Variants in CDH12 observed in about 807,000 individuals in gnomAD.
CDH12 encodes the protein cadherin 12.
In CDH12, 41 loss-of-function variants were observed where a neutral mutation model predicts 74.1. That is an observed-to-expected ratio of 0.55 (90% CI 0.43 to 0.72). The LOEUF (loss-of-function observed/expected upper bound fraction) is 0.72. Ranked by LOEUF, CDH12 falls within the 30% of genes least tolerant of loss-of-function variation. CDH12 has a pLI of 0.00. For missense variants in CDH12, 945 were observed against 977.2 expected (o/e 0.97, Z 0.44); for synonymous variants, 399 against 355.0 (o/e 1.12, Z -1.39).
chr5:22,756,932 C>T (rs1470817690), intron 1 of CDH12, among the ~76,000 whole-genome samples: 2 of 149,934 alleles, frequency 1.3e-5, no homozygotes, highest in Non-Finnish European at 3.0e-5. Flanking sequence ...GCACTCCAGT[C>T]TAGGCAACAG....
intron 5 of CDH12, among the ~76,000 whole-genome samples, chr5:22,055,879 C>A (rs1369821894): frequency 6.6e-6 from 1 of 152,008 alleles, no homozygotes; most frequent in Non-Finnish European, 1.5e-5. Context: ...GGAGGCAAAA[C>A]TAAAAAGTCC....
intron 3 of CDH12, among the ~76,000 whole-genome samples, chr5:22,386,848 G>A (rs1248299844): frequency 6.6e-6 from 1 of 151,678 alleles, no homozygotes; most frequent in East Asian, 1.9e-4. Context: ...TAATTTAAAA[G>A]TTTAATAAAT....
At chr5:22,330,534 C>T (rs924636356) in intron 3 of CDH12, among the ~76,000 whole-genome samples, 1 of 151,872 alleles carries the variant, frequency 6.6e-6, no homozygotes, top group Non-Finnish European at 1.5e-5. Flanking sequence ...GAGTGGATCA[C>T]GAGGTCAAGA....
At chr5:22,346,426 G>A (rs1291152348) in intron 3 of CDH12, among the ~76,000 whole-genome samples, 2 of 151,916 alleles carry the variant, frequency 1.3e-5, no homozygotes, top group Non-Finnish European at 2.9e-5. Context: ...GGTTCATTGT[G>A]GCCCAAATTG....
At chr5:22,399,273 A>T (rs1742607327) in intron 3 of CDH12, among the ~76,000 whole-genome samples, 1 of 152,056 alleles carries the variant, frequency 6.6e-6, no homozygotes, top group Non-Finnish European at 1.5e-5. Context: ...AACTCTTCAC[A>T]GTTTTACACC....
At chr5:21,763,191 T>C (rs544818087) in intron 12 of CDH12, among the ~76,000 whole-genome samples, 1 of 152,282 alleles carries the variant, frequency 6.6e-6, no homozygotes, top group South Asian at 2.1e-4. Flanking sequence ...AGTCCCCACA[T>C]TATCAAATGG....
chr5:22,323,574 C>T lies in CDH12; in HGVS notation c.-333+81683G>A, dbSNP rs1408618510. ...TAATATCACACATGGAAAATAATGACGTAAAGGCTCAAATTTGAAATGGGC... is the reference window on the plus strand; with the variant it reads ...TAATATCACACATGGAAAATAATGATGTAAAGGCTCAAATTTGAAATGGGC... On this transcript the variant is annotated intron_variant, in intron 3 of 14. Coordinates refer to ENST00000382254, the MANE Select transcript of CDH12 (RefSeq NM_004061.5). 2.6e-5 allele frequency among the ~76,000 whole-genome samples: 4 copies of T among 151,970 alleles called. No individual in the cohort carries two copies. In the East Asian group the frequency reaches 5.8e-4, roughly 22 times the overall value.
chr5:22,620,050 T>C (rs925080669), intron 1 of CDH12, among the ~76,000 whole-genome samples: 2 of 152,144 alleles, frequency 1.3e-5, no homozygotes, highest in African/African-American at 4.8e-5. Flanking sequence ...TAAAACTTTG[T>C]CAATATCTTG....
In CDH12 at chr5:22,349,548, A is replaced by G. The variant is rs111612143; in HGVS notation, c.-333+55709T>C. On this transcript the variant is annotated intron_variant, in intron 3 of 14. Coordinates refer to ENST00000382254, the MANE Select transcript of CDH12 (RefSeq NM_004061.5). ...CCCCTCTTTCCCAATTCGGAATAAC[A>G]TCAATATAATTTCTTAACCTGGCAT... 3.6e-3 allele frequency among the ~76,000 whole-genome samples: 541 copies of G among 152,300 alleles called. 1 individual carries two copies. The highest frequency in any genetic ancestry group is 0.01 in the Middle Eastern group (3 of 294).
intron 5 of CDH12, among the ~76,000 whole-genome samples, chr5:22,004,149 T>C (rs905685749): frequency 5.9e-5 from 9 of 152,294 alleles, no homozygotes; most frequent in Middle Eastern, 6.8e-3. Flanking sequence ...TTCTCTTCCG[T>C]TCTTCTAAAA....
chr5:21,753,237 G>C (rs1197463553), intron 14 of CDH12, among the ~76,000 whole-genome samples: 1 of 152,172 alleles, frequency 6.6e-6, no homozygotes. Context: ...AAGAATGCAT[G>C]ATGATAAAAT....
chr5:22,105,027 T>G (rs533187393), intron 4 of CDH12, among the ~76,000 whole-genome samples: 1 of 152,242 alleles, frequency 6.6e-6, no homozygotes, highest in Non-Finnish European at 1.5e-5. Context: ...ATACACGATA[T>G]GCTCCCTGTG....
chr5:22,774,051 C>T (rs2126320697), intron 1 of CDH12, among the ~76,000 whole-genome samples: 1 of 152,034 alleles, frequency 6.6e-6, no homozygotes, highest in South Asian at 2.1e-4. Context: ...TAGTTCAGCC[C>T]CTGTGAAAAG....
intron 4 of CDH12, among the ~76,000 whole-genome samples, chr5:22,112,142 C>A (rs992502445): frequency 7.2e-5 from 11 of 151,782 alleles, no homozygotes; most frequent in African/African-American, 2.4e-4. Context: ...TATAGCAAAT[C>A]AAAATATTTT....
intron 3 of CDH12, among the ~76,000 whole-genome samples, chr5:22,323,438 CAG>C (rs1253899358): frequency 6.6e-6 from 1 of 152,050 alleles, no homozygotes; most frequent in Non-Finnish European, 1.5e-5. Context: ...TTTTTATTAA[CAG>C]AAAAATGCAG....
chr5:22,414,831 GA>G lies in CDH12; in HGVS notation c.-427-9481del, dbSNP rs529233212. ...AAAATTTTAATAGAAACAAAAAAGT[GA>G]AAAAAAGCTTTAGAAGACTATTTTA... is the stretch of plus-strand genomic sequence containing the variant. On this transcript the variant is annotated intron_variant, in intron 2 of 14. Coordinates refer to ENST00000382254, the MANE Select transcript of CDH12 (RefSeq NM_004061.5). Among the ~76,000 whole-genome samples, 169 of 151,644 alleles carry G rather than the reference GA, an allele frequency of 1.1e-3. 2 individuals carry two copies. The highest frequency in any genetic ancestry group is 1.7e-3 in the Admixed American group (26 of 15,228).
intron 3 of CDH12, among the ~76,000 whole-genome samples, chr5:22,340,679 G>C (rs1580540480): frequency 6.6e-6 from 1 of 151,918 alleles, no homozygotes. Context: ...AAGCTGTTTT[G>C]AGAAGCTGTT....
chr5:21,960,235 C>T (rs1485372686), intron 6 of CDH12, among the ~76,000 whole-genome samples: 1 of 152,176 alleles, frequency 6.6e-6, no homozygotes, highest in Non-Finnish European at 1.5e-5. Flanking sequence ...ACAGAATATA[C>T]ATTCTTCTCA....
chr5:22,208,732 C>A (rs879162230), intron 4 of CDH12, among the ~76,000 whole-genome samples: 7 of 152,036 alleles, frequency 4.6e-5, no homozygotes, highest in African/African-American at 1.7e-4. Flanking sequence ...AAATCTACTG[C>A]GGCCAGTAGA....
Sources: allele counts gnomAD v4.1 joint callset (sites outside exome capture counted in the v4.1 genomes callset), GRCh38; gene constraint gnomAD v4.1.1; transcripts MANE v1.5; gene names NCBI Gene and HGNC (gene_info 2026-07-23, HGNC 2026-07-21).